MACROD2: variants seen among roughly 807,000 people sequenced by gnomAD.
MACROD2 encodes the protein mono-ADP ribosylhydrolase 2, also known as ADP-ribose glycohydrolase MACROD2.
In MACROD2, 36 loss-of-function variants were observed where a neutral mutation model predicts 70.4. The ratio of observed to expected loss-of-function variants is 0.51; its 90% CI spans 0.39 to 0.68. The LOEUF (loss-of-function observed/expected upper bound fraction) is 0.68, where lower values mean the gene tolerates loss of function less well. MACROD2 is among the 30% of genes least tolerant of loss of function. The pLI is 0.00. For missense variants in MACROD2, 496 were observed against 538.4 expected, an observed-to-expected ratio of 0.92 and a Z score of 0.78; for synonymous variants, 172 against 178.8, an observed-to-expected ratio of 0.96 and a Z score of 0.30.
At chr20:15,942,529 CTG>C (rs2065765192) in intron 12 of MACROD2, among the ~76,000 whole-genome samples, 1 of 152,122 alleles carries the variant, frequency 6.6e-6, no homozygotes, top group Admixed American at 6.6e-5. Context: ...TAAAAATACT[CTG>C]TTGATTTAAT....
chr20:14,498,328 C>T (rs2084878048), intron 4 of MACROD2, among the ~76,000 whole-genome samples: 1 of 152,138 alleles, frequency 6.6e-6, no homozygotes. Flanking sequence ...AATCATAAAC[C>T]ATGTGCTGTT....
At chr20:14,383,059 A>C (rs1243409738) in intron 3 of MACROD2, among the ~76,000 whole-genome samples, 2 of 152,216 alleles carry the variant, frequency 1.3e-5, no homozygotes, top group African/African-American at 4.8e-5. Flanking sequence ...GTCTCAAAAA[A>C]TTGATGCGTT....
intron 2 of MACROD2, among the ~76,000 whole-genome samples, chr20:14,079,210 C>T (rs959903825): frequency 1.3e-4 from 20 of 152,290 alleles, no homozygotes; most frequent in African/African-American, 4.6e-4. Flanking sequence ...AACTGATTGT[C>T]TCAGAGACCT....
chr20:14,881,037 A>G (rs984855778), intron 5 of MACROD2, among the ~76,000 whole-genome samples: 1 of 152,128 alleles, frequency 6.6e-6, no homozygotes, highest in African/African-American at 2.4e-5. Flanking sequence ...CTTGAAAGCA[A>G]ATCCCCCAAT....
chr20:14,875,799 C>A (rs909670060), intron 5 of MACROD2, among the ~76,000 whole-genome samples: 1 of 152,068 alleles, frequency 6.6e-6, no homozygotes, highest in Non-Finnish European at 1.5e-5. Context: ...ATCCATGTTG[C>A]TAAAAAGGAT....
At chr20:14,144,315 T>G (rs887336738) in intron 3 of MACROD2, among the ~76,000 whole-genome samples, 2 of 152,200 alleles carry the variant, frequency 1.3e-5, no homozygotes, top group Non-Finnish European at 2.9e-5. Context: ...TTTTTATAAC[T>G]TAAGTTTTTG....
At chr20:15,977,677 T>C (rs1399161614) in intron 13 of MACROD2, among the ~76,000 whole-genome samples, 1 of 152,188 alleles carries the variant, frequency 6.6e-6, no homozygotes, top group African/African-American at 2.4e-5. Flanking sequence ...TCTCTCTTAA[T>C]CTGGTAAGAG....
At chr20:15,291,398 G>A (rs1392101874) in intron 6 of MACROD2, among the ~76,000 whole-genome samples, 1 of 152,318 alleles carries the variant, frequency 6.6e-6, no homozygotes, top group African/African-American at 2.4e-5. Flanking sequence ...CTGAGACACA[G>A]TAGGCCCACA....
chr20:14,954,943 TAA>T, intron 5 of MACROD2, among the ~76,000 whole-genome samples: 3 of 60,012 alleles, frequency 5.0e-5, no homozygotes, highest in African/African-American at 1.4e-4. Flanking sequence ...TTTAATTATA[TAA>T]GTATATTATA....
intron 8 of MACROD2, among the ~76,000 whole-genome samples, chr20:15,719,969 C>CA (rs1212518377): frequency 6.6e-6 from 1 of 152,124 alleles, no homozygotes; most frequent in Admixed American, 6.5e-5. Flanking sequence ...CTACCCTCCC[C>CA]AGTCTTTGGT....
At chr20:14,628,505 G>A (rs1371117686) in intron 4 of MACROD2, 1 of 152,258 alleles carries the variant, frequency 6.6e-6, no homozygotes, top group Non-Finnish European at 1.5e-5. Context: ...GTTTGGATTA[G>A]GAGGTAGAAA....
chr20:16,032,487 CATA>C (rs2067164570), intron 15 of MACROD2, among the ~76,000 whole-genome samples: 1 of 151,308 alleles, frequency 6.6e-6, no homozygotes, highest in Non-Finnish European at 1.5e-5. Context: ...TGAAAGTGTC[CATA>C]ATAATAAGTC....
At chr20:14,450,161 A>T (rs1424647084) in intron 3 of MACROD2, among the ~76,000 whole-genome samples, 1 of 152,164 alleles carries the variant, frequency 6.6e-6, no homozygotes, top group Non-Finnish European at 1.5e-5. Flanking sequence ...AATGTAATTT[A>T]AAAATTGTGC....
intron 3 of MACROD2, among the ~76,000 whole-genome samples, chr20:14,418,973 C>T (rs991375062): frequency 2.6e-5 from 4 of 152,018 alleles, no homozygotes; most frequent in Non-Finnish European, 2.9e-5. Flanking sequence ...AATATTGTCA[C>T]GTCTTCCTAG....
chr20:15,997,046 T>C (rs764308654), intron 15 of MACROD2, among the ~76,000 whole-genome samples: 3 of 152,204 alleles, frequency 2.0e-5, no homozygotes, highest in Non-Finnish European at 2.9e-5. Context: ...TTCTCAATTC[T>C]GTTCTATTGG....
At chr20:15,285,787 A>C (rs1169982248) in intron 6 of MACROD2, among the ~76,000 whole-genome samples, 1 of 152,136 alleles carries the variant, frequency 6.6e-6, no homozygotes, top group Non-Finnish European at 1.5e-5. Context: ...TGAATTTGTC[A>C]ATATATTCTG....
chr20:15,577,613 GTGCGTGCGTACTCCC>G (rs113245529), intron 8 of MACROD2, among the ~76,000 whole-genome samples: 12,351 of 151,258 alleles, frequency 0.082, 632 homozygotes, highest in African/African-American at 0.15. Flanking sequence ...TTTCTTCTCC[GTGCGTGCGTACTCCC>G]TGCGTGCGTA....
intron 8 of MACROD2, among the ~76,000 whole-genome samples, chr20:15,766,710 C>T (rs933777117): frequency 2.6e-5 from 4 of 152,276 alleles, no homozygotes; most frequent in East Asian, 3.9e-4. Context: ...CGATCGATGG[C>T]GATGATGTGG....
At chr20:15,240,975 T>G (rs2077055449) in intron 6 of MACROD2, among the ~76,000 whole-genome samples, 1 of 152,220 alleles carries the variant, frequency 6.6e-6, no homozygotes, top group South Asian at 2.1e-4. Flanking sequence ...TTCCTGTTGT[T>G]TAAGCCTCCT....
Sources: allele counts gnomAD v4.1 joint callset (sites outside exome capture counted in the v4.1 genomes callset), GRCh38; gene constraint gnomAD v4.1.1; transcripts MANE v1.5; gene names NCBI Gene and HGNC (gene_info 2026-07-23, HGNC 2026-07-21).